PGBD2: variants seen among roughly 807,000 people sequenced by gnomAD.
PGBD2 encodes piggyBac transposable element-derived protein 2.
A neutral mutation model predicts 8.1 loss-of-function variants in PGBD2; 6 were observed. The observed-to-expected ratio is 0.74, with a 90% CI of 0.40 to 1.46. The LOEUF (loss-of-function observed/expected upper bound fraction) is 1.46. Ranked by LOEUF, PGBD2 falls within the 40% of genes most tolerant of loss-of-function variation. The pLI, the probability that PGBD2 is intolerant of heterozygous loss-of-function variation, is 0.02. For missense variants in PGBD2, 802 were observed against 739.0 expected (o/e 1.09, Z -0.99); for synonymous variants, 318 against 272.2 (o/e 1.17, Z -1.66).
At chr1:248,924,752 T>C (rs1662350825), downstream of PGBD2, among the ~76,000 whole-genome samples, 1 of 152,246 alleles carries the variant, frequency 6.6e-6, no homozygotes, top group African/African-American at 2.4e-5. Flanking sequence ...CTCCTGTGTG[T>C]GAGCACCATG....
At chr1:248,885,081 A>G in the PGBD2 span, among the ~76,000 whole-genome samples, 4 of 152,032 alleles carry the variant, frequency 2.6e-5, no homozygotes, top group Non-Finnish European at 4.4e-5. Context: ...CTTTTTTTGC[A>G]GTCCCCTTGG....
At chr1:248,926,968 C>A in the PGBD2 span, among the ~76,000 whole-genome samples, 3 of 152,208 alleles carry the variant, frequency 2.0e-5, no homozygotes, top group African/African-American at 4.8e-5. Flanking sequence ...ACAAATGTCT[C>A]AGCCTCGTGG....
chr1:248,924,997 A>C, the PGBD2 span, among the ~76,000 whole-genome samples: 1 of 152,116 alleles, frequency 6.6e-6, no homozygotes, highest in Non-Finnish European at 1.5e-5. Flanking sequence ...AGGGGATTTA[A>C]TTCTAACGGA....
downstream of PGBD2, chr1:248,919,488 T>A (rs1212224353): frequency 1.8e-5 from 3 of 167,048 alleles, no homozygotes; most frequent in Admixed American, 6.5e-5. Context: ...TCCATTCTTC[T>A]GTTGATGGAC....
the PGBD2 span, among the ~76,000 whole-genome samples, chr1:248,900,553 TA>T: frequency 6.6e-6 from 1 of 152,176 alleles, no homozygotes; most frequent in Non-Finnish European, 1.5e-5. Context: ...TCCTTCATGT[TA>T]AAAACTCTCA....
At chr1:248,914,294 C>G (rs1340820673) in intron 2 of PGBD2, 1 of 622,404 alleles carries the variant, frequency 1.6e-6, no homozygotes, top group Non-Finnish European at 2.0e-6. Flanking sequence ...CTGGAGCTTG[C>G]AGCCTTGGCT....
intron 2 of PGBD2, among the ~76,000 whole-genome samples, chr1:248,916,300 G>C (rs1484136465): frequency 1.3e-5 from 2 of 152,144 alleles, no homozygotes; most frequent in African/African-American, 4.8e-5. Context: ...TGTAGTCCCA[G>C]GTACTCGGGA....
chr1:248,916,123 G>A (rs913161371), intron 2 of PGBD2, among the ~76,000 whole-genome samples: 8 of 152,346 alleles, frequency 5.3e-5, no homozygotes, highest in African/African-American at 1.9e-4. Context: ...CTTAAAAGCA[G>A]AATCTGTGGG....
chr1:248,914,553 T>C, intron 2 of PGBD2: 2 of 1,289,296 alleles, frequency 1.6e-6, no homozygotes, highest in Non-Finnish European at 1.0e-6. Flanking sequence ...CCAAAGTCCA[T>C]GGGCAGGTCT....
In PGBD2 at chr1:248,917,150, G is replaced by C; in HGVS notation, c.566G>C (p.Ser189Thr). 1 of 1,614,138 alleles carries C rather than the reference G, an allele frequency of 6.2e-7. No homozygotes were observed. Among genetic ancestry groups the C allele is most frequent in the Non-Finnish European group, 8.5e-7 (1 of 1,180,040 alleles). The change falls in exon 3 of 3, where the codon AGT becomes ACT. Residue 189 changes from serine to threonine, a missense_variant. By Grantham distance (58) the Ser-to-Thr change is moderately conservative. Coordinates refer to ENST00000329291, the MANE Select transcript of PGBD2 (RefSeq NM_170725.3). ...TGTGTTTTGGGCATTTTGATTTTAA[G>C]TGGGTACATCTCTTATCCAAGGAGA... ...LKCVLGILILSGYISYPRRRM... is the reference protein window; with the variant it reads ...LKCVLGILILTGYISYPRRRM...
the PGBD2 span, among the ~76,000 whole-genome samples, chr1:248,889,134 C>T: frequency 1.1e-4 from 16 of 152,248 alleles, no homozygotes; most frequent in South Asian, 2.7e-3. Flanking sequence ...CGCCTGTAAT[C>T]ACAGCACTTT....
At chr1:248,902,139 C>A (rs560560703), upstream of PGBD2, among the ~76,000 whole-genome samples, 7 of 151,922 alleles carry the variant, frequency 4.6e-5, no homozygotes, top group Non-Finnish European at 4.4e-5. Context: ...CATGGTGGCA[C>A]ACACCTGTAG....
At chr1:248,874,331 T>C in the PGBD2 span, among the ~76,000 whole-genome samples, 5,282 of 152,312 alleles carry the variant, frequency 0.035, 141 homozygotes, top group Middle Eastern at 0.092. Context: ...TAAGCCGTTT[T>C]AAAAACTGTT....
chr1:248,916,059 A>G (rs1338456497), intron 2 of PGBD2, among the ~76,000 whole-genome samples: 4 of 152,190 alleles, frequency 2.6e-5, no homozygotes, highest in Non-Finnish European at 5.9e-5. Flanking sequence ...TAAGAAGGAA[A>G]GGAAGTAGGT....
At chr1:248,901,246 A>T (rs183073877), upstream of PGBD2, among the ~76,000 whole-genome samples, 10 of 152,338 alleles carry the variant, frequency 6.6e-5, no homozygotes, top group Admixed American at 5.9e-4. Context: ...ATATATTTTA[A>T]ATTTCATATG....
At chr1:248,922,067 T>C (rs1360717803), downstream of PGBD2, among the ~76,000 whole-genome samples, 2 of 151,130 alleles carry the variant, frequency 1.3e-5, no homozygotes, top group African/African-American at 4.9e-5. Context: ...TTTTTCTTTT[T>C]TTTTTTTTTT....
chr1:248,919,858 A>G (rs542020229), downstream of PGBD2: 2 of 163,856 alleles, frequency 1.2e-5, no homozygotes, highest in East Asian at 3.9e-4. Flanking sequence ...CACTTTTTTT[A>G]TACCTGTTTG....
At chr1:248,919,769 G>A (rs1181399956), downstream of PGBD2, 1 of 166,708 alleles carries the variant, frequency 6.0e-6, no homozygotes, top group African/African-American at 2.4e-5. Flanking sequence ...CTGTCTTTTG[G>A]ATTACAGCCA....
chr1:248,885,059 T>C, the PGBD2 span, among the ~76,000 whole-genome samples: 1 of 152,256 alleles, frequency 6.6e-6, no homozygotes, highest in African/African-American at 2.4e-5. Context: ...GTTTTTTAAG[T>C]GAGACTGCAG....
Sources: allele counts gnomAD v4.1 joint callset (sites outside exome capture counted in the v4.1 genomes callset), GRCh38; gene constraint gnomAD v4.1.1; transcripts MANE v1.5; gene names NCBI Gene and HGNC (gene_info 2026-07-23, HGNC 2026-07-21).